CDH4: variants seen among roughly 807,000 people sequenced by gnomAD.
CDH4 encodes cadherin-4.
Under a neutral mutation model 86.0 loss-of-function variants are expected in CDH4, and 33 were observed. That is an observed-to-expected ratio of 0.38 (90% CI 0.29 to 0.51). CDH4 has a LOEUF of 0.51. CDH4 is among the 20% of genes least tolerant of loss of function. The probability of loss-of-function intolerance (pLI) is 0.86; values close to 1 mark genes in which losing one functional copy is unlikely to be tolerated. For missense variants in CDH4, 1,114 were observed against 1,307.4 expected (o/e 0.85, Z 2.28); for synonymous variants, 555 against 549.4 (o/e 1.01, Z -0.14).
intron 2 of CDH4, among the ~76,000 whole-genome samples, chr20:61,348,435 G>A (rs888537449): frequency 1.3e-5 from 2 of 152,100 alleles, no homozygotes; most frequent in Admixed American, 6.5e-5. Flanking sequence ...ATGAGATTTG[G>A]CTGGGGACAT....
Position 61,852,661 on chromosome 20 carries a change from AG to A in CDH4, c.733-92del, listed in dbSNP as rs1243449186. 14 of 1,329,790 alleles carry A rather than the reference AG, an allele frequency of 1.1e-5. No individual in the cohort carries two copies. The Admixed American group carries it at 1.4e-4, about 13-fold the overall frequency. The allele number at this position is 1,329,790 out of a possible 1,614,324, so 82.4% of individuals were successfully genotyped here. On this transcript the variant is annotated intron_variant, in intron 5 of 15. Coordinates refer to ENST00000614565, the MANE Select transcript of CDH4 (RefSeq NM_001794.5). ...CTATAGCCAACCTGCTTCTGCCATC[AG>A]TCTCCTACCCCAGCACCGCGGGTCC... is the stretch of plus-strand genomic sequence containing the variant.
chr20:61,383,165 A>ATGAATATATT (rs1568822194), intron 2 of CDH4, among the ~76,000 whole-genome samples: 6 of 87,332 alleles, frequency 6.9e-5, no homozygotes, highest in African/African-American at 3.6e-4. Flanking sequence ...TATATTATAT[A>ATGAATATATT]TATGAATATA....
chr20:61,437,744 T>G (rs2085292660), intron 2 of CDH4, among the ~76,000 whole-genome samples: 1 of 152,196 alleles, frequency 6.6e-6, no homozygotes, highest in Admixed American at 6.5e-5. Flanking sequence ...CTTAGGTCGC[T>G]GGGGACCCTT....
chr20:61,331,722 T>TACCCCA (rs1374745319), intron 2 of CDH4, among the ~76,000 whole-genome samples: 207 of 129,038 alleles, frequency 1.6e-3, no homozygotes, highest in South Asian at 3.0e-3. Flanking sequence ...CCCGACCACC[T>TACCCCA]GACAGAAATG....
At chr20:61,715,305 TC>T (rs2087941288) in intron 2 of CDH4, among the ~76,000 whole-genome samples, 2 of 152,184 alleles carry the variant, frequency 1.3e-5, no homozygotes, top group Non-Finnish European at 2.9e-5. Context: ...TGCATATGAG[TC>T]CTTTGTTGGA....
intron 3 of CDH4, among the ~76,000 whole-genome samples, chr20:61,745,967 T>G (rs762623447): frequency 1.3e-5 from 2 of 151,710 alleles, no homozygotes; most frequent in Admixed American, 1.3e-4. Flanking sequence ...CGCTAGACAG[T>G]CCCCGTGGGA....
chr20:61,653,574 A>C (rs1050821198), intron 2 of CDH4, among the ~76,000 whole-genome samples: 1 of 132,796 alleles, frequency 7.5e-6, no homozygotes, highest in Non-Finnish European at 1.6e-5. Context: ...GCTGACCCCC[A>C]CCTCCCTCCC....
chr20:61,508,789 CT>C (rs1219145971), intron 2 of CDH4, among the ~76,000 whole-genome samples: 1 of 152,222 alleles, frequency 6.6e-6, no homozygotes, highest in East Asian at 1.9e-4. Flanking sequence ...ACAGAAAGCT[CT>C]ACTGGCAGAT....
chr20:61,276,163 C>A (rs746922570), intron 2 of CDH4, among the ~76,000 whole-genome samples: 24 of 152,306 alleles, frequency 1.6e-4, no homozygotes, highest in Admixed American at 6.5e-4. Context: ...CAGTGCCTGT[C>A]TTTTGGCACA....
At chr20:61,461,826 G>A (rs2145559424) in intron 2 of CDH4, among the ~76,000 whole-genome samples, 1 of 152,360 alleles carries the variant, frequency 6.6e-6, no homozygotes, top group Middle Eastern at 3.4e-3. Flanking sequence ...TGACTAGCAA[G>A]TGATGAGAGA....
chr20:61,644,980 G>T (rs190670425), intron 2 of CDH4, among the ~76,000 whole-genome samples: 8 of 152,228 alleles, frequency 5.3e-5, no homozygotes, highest in Admixed American at 5.2e-4. Flanking sequence ...GGCTGTGGGC[G>T]CCGGCTCTCT....
chr20:61,804,933 G>A (rs183066147), intron 4 of CDH4, among the ~76,000 whole-genome samples: 98 of 152,346 alleles, frequency 6.4e-4, no homozygotes, highest in Admixed American at 2.7e-3. Flanking sequence ...GGATCTAGGC[G>A]CTCAGACAAT....
intron 9 of CDH4, among the ~76,000 whole-genome samples, chr20:61,915,791 A>ACT (rs1186910251): frequency 6.6e-6 from 1 of 151,878 alleles, no homozygotes; most frequent in African/African-American, 2.4e-5. Context: ...AGGAGACGGG[A>ACT]CTCTCCTGCA....
chr20:61,582,032 C>G lies in CDH4; in HGVS notation c.170-161531C>G, dbSNP rs1259132359. On this transcript the variant is annotated intron_variant, in intron 2 of 15. Coordinates refer to ENST00000614565, the MANE Select transcript of CDH4 (RefSeq NM_001794.5). This position sits in a 1 kb window ranked among gnomAD's most constrained non-coding sequence, Gnocchi z 4.2. ...CATGTGGGCGCCTCCTCAGGGCAGC[C>G]TGTGGGAAGAGGGTGCTCCCAGCCC... is the stretch of plus-strand genomic sequence containing the variant. 6.6e-6 allele frequency among the ~76,000 whole-genome samples: 1 copy of G among 152,220 alleles called. No individual in the cohort carries two copies. The highest frequency in any genetic ancestry group is 1.5e-5 in the Non-Finnish European group (1 of 68,032).
chr20:61,920,443 G>A (rs918087637), intron 9 of CDH4, among the ~76,000 whole-genome samples: 2 of 148,202 alleles, frequency 1.3e-5, no homozygotes, highest in South Asian at 4.4e-4. Context: ...CTTGGTGATT[G>A]CATGGAAATG....
chr20:61,303,972 T>C (rs1269309926), intron 2 of CDH4, among the ~76,000 whole-genome samples: 6 of 152,166 alleles, frequency 3.9e-5, no homozygotes. Context: ...GACCTGGGGC[T>C]GTTCTTCTGA....
intron 2 of CDH4, among the ~76,000 whole-genome samples, chr20:61,313,174 C>T (rs1182788120): frequency 6.6e-6 from 1 of 152,190 alleles, no homozygotes; most frequent in Non-Finnish European, 1.5e-5. Flanking sequence ...TCATTTATTT[C>T]ACCACTCTCA....
At chr20:61,799,274 G>A (rs1490718614) in intron 4 of CDH4, among the ~76,000 whole-genome samples, 1 of 152,220 alleles carries the variant, frequency 6.6e-6, no homozygotes, top group Non-Finnish European at 1.5e-5. Flanking sequence ...ACTGGCTGGT[G>A]TGAGTGTTGA....
At chr20:61,395,988 T>C (rs2085014597) in intron 2 of CDH4, among the ~76,000 whole-genome samples, 1 of 152,168 alleles carries the variant, frequency 6.6e-6, no homozygotes, top group African/African-American at 2.4e-5. Flanking sequence ...TCTTTACCCC[T>C]AATGTGGCTG....
Sources: allele counts gnomAD v4.1 joint callset (sites outside exome capture counted in the v4.1 genomes callset), GRCh38; gene constraint gnomAD v4.1.1; non-coding constraint Gnocchi (gnomAD v3.1); transcripts MANE v1.5; gene names NCBI Gene and HGNC (gene_info 2026-07-23, HGNC 2026-07-21).